BLTP3B: variants seen among roughly 807,000 people sequenced by gnomAD.
The protein encoded by BLTP3B is bridge-like lipid transfer protein family member 3B.
At chr12:100,059,884 T>G in the BLTP3B span, 6 of 1,612,318 alleles carry the variant, frequency 3.7e-6, no homozygotes, top group African/African-American at 1.3e-5. Context: ...AACATCAACA[T>G]GCTCGTCAGA....
the BLTP3B span, chr12:100,047,993 T>C: frequency 1.9e-6 from 3 of 1,595,520 alleles, no homozygotes; most frequent in Admixed American, 3.5e-5. Context: ...GGCATTACTG[T>C]TGCAACAGTT....
At chr12:100,059,830 A>G in the BLTP3B span, 2 of 1,590,358 alleles carry the variant, frequency 1.3e-6, no homozygotes, top group Admixed American at 3.8e-5. Context: ...AATCATTACT[A>G]CTACTTGTTT....
At chr12:100,038,230 T>A in the BLTP3B span, among the ~76,000 whole-genome samples, 1 of 152,154 alleles carries the variant, frequency 6.6e-6, no homozygotes, top group East Asian at 1.9e-4. Context: ...TTGTATTGAG[T>A]CACTTTCTTG....
chr12:100,063,608 A>T, the BLTP3B span, among the ~76,000 whole-genome samples: 3 of 151,204 alleles, frequency 2.0e-5, no homozygotes, highest in Non-Finnish European at 4.4e-5. Context: ...CGGGAGGCTG[A>T]GGCGGGAGAA....
the BLTP3B span, among the ~76,000 whole-genome samples, chr12:100,043,954 T>C: frequency 0.1 from 15,847 of 152,244 alleles, 1,083 homozygotes; most frequent in African/African-American, 0.19. Context: ...TTCTCACTGC[T>C]TCCCAGGGAA....
chr12:100,083,791 C>G, the BLTP3B span, among the ~76,000 whole-genome samples: 2 of 151,776 alleles, frequency 1.3e-5, no homozygotes, highest in Admixed American at 1.3e-4. Flanking sequence ...AAAATTCTTC[C>G]TGGGTGTGAC....
the BLTP3B span, among the ~76,000 whole-genome samples, chr12:100,102,395 A>G: frequency 6.6e-6 from 1 of 152,128 alleles, no homozygotes; most frequent in Non-Finnish European, 1.5e-5. Context: ...TACAGGCATG[A>G]GCCACCGCTC....
At chr12:100,097,333 CAT>C in the BLTP3B span, 1 of 1,592,514 alleles carries the variant, frequency 6.3e-7, no homozygotes, top group South Asian at 1.1e-5. Flanking sequence ...ACAGTTAACA[CAT>C]GAATCAAAAA....
chr12:100,111,277 A>ATTTTTTT, the BLTP3B span, among the ~76,000 whole-genome samples: 1 of 94,748 alleles, frequency 1.1e-5, no homozygotes, highest in Non-Finnish European at 2.1e-5. Context: ...GGGGTTTTAG[A>ATTTTTTT]TTTTTTTTTT....
chr12:100,130,982 G>GGAGGGAGA, the BLTP3B span, among the ~76,000 whole-genome samples: 11 of 62,220 alleles, frequency 1.8e-4, no homozygotes, highest in East Asian at 9.6e-4. Context: ...AGAGAGGGAG[G>GGAGGGAGA]GAGAGAGAGA....
At chr12:100,126,748 G>T in the BLTP3B span, among the ~76,000 whole-genome samples, 4 of 152,194 alleles carry the variant, frequency 2.6e-5, no homozygotes, top group East Asian at 7.7e-4. Context: ...ACCCAAAGGA[G>T]ATGAAAATAC....
the BLTP3B span, among the ~76,000 whole-genome samples, chr12:100,132,805 A>C: frequency 6.6e-6 from 1 of 151,936 alleles, no homozygotes; most frequent in Non-Finnish European, 1.5e-5. Context: ...AAAATTAGCC[A>C]GGCGTGGTGG....
chr12:100,040,217 AAAC>A, the BLTP3B span, among the ~76,000 whole-genome samples: 2 of 152,220 alleles, frequency 1.3e-5, no homozygotes, highest in African/African-American at 4.8e-5. Flanking sequence ...GGAATACTAT[AAAC>A]AACAGTATGT....
chr12:100,124,963 TATATATATATATATA>T, the BLTP3B span, among the ~76,000 whole-genome samples: 12 of 117,146 alleles, frequency 1.0e-4, no homozygotes, highest in Admixed American at 2.8e-4. Context: ...TATATATATA[TATATATATATATATA>T]TTTATATTTA....
At chr12:100,048,021 T>C in the BLTP3B span, 15 of 1,608,022 alleles carry the variant, frequency 9.3e-6, no homozygotes, top group African/African-American at 5.3e-5. Flanking sequence ...CCAAAAAATG[T>C]TGAATATTCA....
At chr12:100,121,211 G>A in the BLTP3B span, among the ~76,000 whole-genome samples, 3 of 151,810 alleles carry the variant, frequency 2.0e-5, no homozygotes, top group African/African-American at 7.3e-5. Context: ...TTAGTGGGGT[G>A]TGGTAGCACA....
At chr12:100,048,374 TCTA>T in the BLTP3B span, among the ~76,000 whole-genome samples, 4 of 152,304 alleles carry the variant, frequency 2.6e-5, no homozygotes, top group East Asian at 7.7e-4. Flanking sequence ...ATGGCAACTT[TCTA>T]CTACAATAAT....
chr12:100,049,455 G>A, the BLTP3B span, among the ~76,000 whole-genome samples: 6 of 152,108 alleles, frequency 3.9e-5, no homozygotes, highest in Non-Finnish European at 5.9e-5. Flanking sequence ...GTGTGTGAAA[G>A]GGAGAGATTT....
chr12:100,122,184 T>C, the BLTP3B span, among the ~76,000 whole-genome samples: 287 of 152,290 alleles, frequency 1.9e-3, 1 homozygote, highest in African/African-American at 6.7e-3. Context: ...ATTAGAACCA[T>C]GGCCTTTTGA....
Sources: gnomAD v4.1 joint callset for allele counts (sites outside exome capture counted in the v4.1 genomes callset) on GRCh38, gnomAD v4.1.1 for gene constraint, MANE v1.5 for transcripts, NCBI Gene and HGNC (gene_info 2026-07-23, HGNC 2026-07-21) for gene names.